SELP: variants seen among roughly 807,000 people sequenced by gnomAD.
SELP encodes P-selectin.
Under a neutral mutation model 104.1 loss-of-function variants are expected in SELP, and 92 were observed. The observed-to-expected ratio is 0.88, with a 90% CI of 0.75 to 1.05. The LOEUF (loss-of-function observed/expected upper bound fraction) is 1.05. Ranked by LOEUF, SELP falls within the 50% of genes least tolerant of loss-of-function variation. SELP has a pLI of 0.00. For missense variants in SELP, 1,022 were observed against 1,017.3 expected (o/e 1.00, Z -0.06); for synonymous variants, 397 against 364.5 (o/e 1.09, Z -1.01).
intron 1 of SELP, 31 bp from the exon 2 acceptor site, chr1:169,619,250 T>C (rs746783602): frequency 6.6e-7 from 1 of 1,517,634 alleles, no homozygotes; most frequent in Non-Finnish European, 9.2e-7. Flanking sequence ...TTTCTTTTAG[T>C]ATCCATACAC....
chr1:169,628,401 G>A (rs1047455198), intron 1 of SELP, among the ~76,000 whole-genome samples: 1 of 152,190 alleles, frequency 6.6e-6, no homozygotes, highest in Admixed American at 6.5e-5. Context: ...TGAATCTTTG[G>A]GGCCAAATGT....
intron 1 of SELP, among the ~76,000 whole-genome samples, chr1:169,619,562 C>A (rs575633521): frequency 6.6e-6 from 1 of 152,116 alleles, no homozygotes; most frequent in Non-Finnish European, 1.5e-5. Context: ...TATTATAAAA[C>A]AATCTTTTTA....
At chr1:169,592,376 G>A (rs1661393085) in intron 14 of SELP, among the ~76,000 whole-genome samples, 1 of 152,158 alleles carries the variant, frequency 6.6e-6, no homozygotes. Flanking sequence ...TTAAGAATAG[G>A]TGTTGAGACC....
At chr1:169,611,840 G>T (rs1009499682) in intron 6 of SELP, among the ~76,000 whole-genome samples, 163 bp from the exon 7 acceptor site, 1 of 152,112 alleles carries the variant, frequency 6.6e-6, no homozygotes, top group African/African-American at 2.4e-5. Flanking sequence ...CCAGTTCCCA[G>T]GGTGATCTGA....
At chr1:169,611,846 T>C (rs1662554086) in intron 6 of SELP, among the ~76,000 whole-genome samples, 169 bp from the exon 7 acceptor site, 1 of 152,080 alleles carries the variant, frequency 6.6e-6, no homozygotes, top group South Asian at 2.1e-4. Flanking sequence ...CCCAGGGTGA[T>C]CTGAGTCTGT....
rs1170558897 is a variant in SELP, at chr1:169,613,692, G to C, written c.483C>G (p.Ala161=). 8.7e-6 allele frequency: 14 copies of C among 1,613,468 alleles called. No individual in the cohort carries two copies. Among genetic ancestry groups the C allele is most frequent in the Non-Finnish European group, 1.2e-5 (14 of 1,179,428 alleles). Residue 161 remains alanine (A), a splice_region_variant and synonymous_variant, in exon 4 of 17, where the codon GCC becomes GCG. Transcript: ENST00000263686. ...LKKKHALCYT[A]SCQDMSCSKQ... The stretch of plus-strand genomic sequence containing the variant: ...TGCTGCAGGACATGTCCTGGCAGGA[G>C]GCTGCATAGATATGGAAAGGTCAGA...
chr1:169,615,265 T>G (rs1161284738), intron 3 of SELP, among the ~76,000 whole-genome samples: 1 of 152,238 alleles, frequency 6.6e-6, no homozygotes, highest in African/African-American at 2.4e-5. Context: ...TTGATGCTTC[T>G]CTACATCCTT....
chr1:169,615,244 C>G (rs1331852924), intron 3 of SELP, among the ~76,000 whole-genome samples: 1 of 152,162 alleles, frequency 6.6e-6, no homozygotes, highest in Non-Finnish European at 1.5e-5. Flanking sequence ...TTTCTCATCT[C>G]CCATGGATAA....
intron 5 of SELP, among the ~76,000 whole-genome samples, chr1:169,612,682 G>A (rs1662602436): frequency 1.3e-5 from 2 of 151,736 alleles, no homozygotes; most frequent in South Asian, 4.2e-4. Flanking sequence ...GGAAAGAGGG[G>A]TCCCTTTGTA....
At chr1:169,591,321 T>C in intron 15 of SELP, 105 bp downstream of exon 15, 1 of 673,176 alleles carries the variant, frequency 1.5e-6, no homozygotes, top group Non-Finnish European at 2.6e-6. Flanking sequence ...CAAAAGACAT[T>C]GTAAAAAGGA....
chr1:169,607,120 C>T lies in SELP; in HGVS notation c.1348G>A (p.Asp450Asn), dbSNP rs770808685. The part of the protein sequence containing the change: ...APVCQALQCQ[D>N]LPVPNEARVN... ...CGGGCCTCATTTGGAACTGGGAGAT[C>T]CTGGCACTGCAAAGCTAAGGGATGA... The change falls in exon 9 of 17, where the codon GAT becomes AAT. Residue 450 changes from aspartate (D) to asparagine (N), a missense_variant. Asp to Asn is a conservative substitution (Grantham distance 23, BLOSUM62 1). Coordinates refer to ENST00000263686, the MANE Select transcript of SELP (RefSeq NM_003005.4). 12 of 1,599,306 alleles carry T rather than the reference C, an allele frequency of 7.5e-6. No individual in the cohort carries two copies. The highest frequency in any genetic ancestry group is 1.0e-5 in the Non-Finnish European group (12 of 1,168,162).
intron 10 of SELP, among the ~76,000 whole-genome samples, chr1:169,599,403 T>C (rs1260348670): frequency 6.6e-6 from 1 of 151,428 alleles, no homozygotes; most frequent in Non-Finnish European, 1.5e-5. Context: ...AGAAAACAGA[T>C]AAGGTTTGCA....
In SELP at chr1:169,621,912, T is replaced by A. The variant is rs1663155102; in HGVS notation, c.4-2693A>T. Among the ~76,000 whole-genome samples, 3 of 152,212 alleles carry A rather than the reference T, an allele frequency of 2.0e-5. No individual in the cohort carries two copies. In the South Asian group the frequency reaches 6.2e-4, roughly 31 times the overall value. On this transcript the variant is annotated intron_variant, in intron 1 of 16. Transcript: ENST00000263686. ...CTGTTCTTCCTATCACATTTCAAAA[T>A]GCACCATTCCAAATGCTGAAGTGGA...
intron 2 of SELP, 43 bp from the exon 3 acceptor site, chr1:169,617,457 A>G: frequency 6.3e-7 from 1 of 1,577,422 alleles, no homozygotes; most frequent in Non-Finnish European, 8.6e-7. Context: ...ACCCCTCACC[A>G]AAAAAGAGGC....
At chr1:169,615,253 A>C (rs550978210) in intron 3 of SELP, among the ~76,000 whole-genome samples, 72 of 152,196 alleles carry the variant, frequency 4.7e-4, no homozygotes, top group Non-Finnish European at 9.6e-4. Flanking sequence ...TCCCATGGAT[A>C]ATTGATGCTT....
At chr1:169,614,972 A>G (rs544732672) in intron 3 of SELP, among the ~76,000 whole-genome samples, 2 of 152,310 alleles carry the variant, frequency 1.3e-5, no homozygotes, top group South Asian at 2.1e-4. Flanking sequence ...TGTTTCCCCA[A>G]TTATAGCTTC....
intron 3 of SELP, among the ~76,000 whole-genome samples, chr1:169,616,107 C>G (rs934372012): frequency 3.9e-5 from 6 of 152,172 alleles, no homozygotes; most frequent in Admixed American, 3.9e-4. Context: ...TCAGGAATGT[C>G]TGCTTACTCT....
intron 6 of SELP, among the ~76,000 whole-genome samples, chr1:169,611,996 T>A (rs1235905621): frequency 6.6e-6 from 1 of 152,154 alleles, no homozygotes; most frequent in Non-Finnish European, 1.5e-5. Flanking sequence ...AAATTATGAA[T>A]GAGGCCATTC....
rs3917731 is a variant in SELP, at chr1:169,611,479, T to C, written c.1147+13A>G. On this transcript the variant is annotated intron_variant, in intron 7 of 16. Coordinates refer to ENST00000263686, the MANE Select transcript of SELP (RefSeq NM_003005.4). ...TCTTGGACAGAATGGAGGTTGCTAA[T>C]GAAAAATCCTACCCTCACAGGTTGG... 404,145 of 1,611,920 alleles carry C rather than the reference T, an allele frequency of 0.25. 55,601 individuals carry two copies. The highest frequency in any genetic ancestry group is 0.29 in the Non-Finnish European group (339,152 of 1,178,528).
Sources: allele counts gnomAD v4.1 joint callset (sites outside exome capture counted in the v4.1 genomes callset), GRCh38; gene constraint gnomAD v4.1.1; transcripts MANE v1.5; gene names NCBI Gene and HGNC (gene_info 2026-07-23, HGNC 2026-07-21).